IL17RA: variants seen among roughly 807,000 people sequenced by gnomAD.
The protein encoded by IL17RA is interleukin 17 receptor A, also known as interleukin-17 receptor A.
In IL17RA, 34 loss-of-function variants were observed where a neutral mutation model predicts 50.4. That is an observed-to-expected ratio of 0.67 (90% CI 0.51 to 0.90). The LOEUF (loss-of-function observed/expected upper bound fraction) is 0.90, where lower values mean the gene tolerates loss of function less well. Among genes scored for constraint, IL17RA ranks in the 40% least tolerant of loss-of-function variants. The probability of loss-of-function intolerance (pLI) is 0.00; values close to 1 mark genes in which losing one functional copy is unlikely to be tolerated. For synonymous variants in IL17RA, 585 were observed against 510.4 expected, an observed-to-expected ratio of 1.15 and a Z score of -1.97; for missense variants, 1,276 against 1,169.8, an observed-to-expected ratio of 1.09 and a Z score of -1.32.
At chr22:17,085,981 C>A (rs1307772686) in intron 1 of IL17RA, among the ~76,000 whole-genome samples, 1 of 152,168 alleles carries the variant, frequency 6.6e-6, no homozygotes, top group Non-Finnish European at 1.5e-5. Flanking sequence ...CCACTCCCAC[C>A]CCCGACTACC....
Position 17,104,718 on chromosome 22 carries a change from GC to G in IL17RA, c.847-5del. 6.2e-7 allele frequency: 1 copy of G among 1,613,878 alleles called. No homozygotes were observed. Among genetic ancestry groups the G allele is most frequent in the African/African-American group, 1.3e-5 (1 of 75,014 alleles). ...CTGGAGCCCTTTTCCTGCCCTCTCT[GC>G]CCGCAGATCCAGCCCTTCTTCAGCA... On this transcript the variant is annotated splice_region_variant and splice_polypyrimidine_tract_variant and intron_variant, in intron 8 of 12. Transcript: ENST00000319363.
chr22:17,103,618 G>C, intron 8 of IL17RA, 41 bp downstream of exon 8: 2 of 1,503,910 alleles, frequency 1.3e-6, no homozygotes, highest in Non-Finnish European at 1.8e-6. Flanking sequence ...GAGCAAAACA[G>C]GTGGCAATTA....
chr22:17,104,163 TG>T (rs2061403839), intron 8 of IL17RA, among the ~76,000 whole-genome samples: 1 of 40,748 alleles, frequency 2.5e-5, no homozygotes, highest in African/African-American at 1.1e-4. Context: ...GTGGTGTGGC[TG>T]GGAGTGGGGA....
At chr22:17,107,408 A>G (rs1388789354) in intron 11 of IL17RA, among the ~76,000 whole-genome samples, 1 of 152,220 alleles carries the variant, frequency 6.6e-6, no homozygotes, top group African/African-American at 2.4e-5. Flanking sequence ...CTGTGATCCC[A>G]ATTGATTATG....
At chr22:17,103,323 C>T (rs936611313) in intron 7 of IL17RA, among the ~76,000 whole-genome samples, 171 bp from the exon 8 acceptor site, 1 of 152,194 alleles carries the variant, frequency 6.6e-6, no homozygotes, top group African/African-American at 2.4e-5. Flanking sequence ...AAACCAGCTT[C>T]CATGCAGAAA....
intron 11 of IL17RA, among the ~76,000 whole-genome samples, chr22:17,107,437 T>C (rs1334448121): frequency 6.6e-6 from 1 of 152,200 alleles, no homozygotes; most frequent in East Asian, 1.9e-4. Context: ...GCCAGGCACG[T>C]CACATACACA....
In IL17RA at chr22:17,107,728, G is replaced by A. The variant is rs756320177; in HGVS notation, c.1047G>A (p.Gly349=). 6 of 1,612,742 alleles carry A rather than the reference G, an allele frequency of 3.7e-6. No individual in the cohort carries two copies. Among genetic ancestry groups the A allele is most frequent in the Admixed American group, 3.3e-5 (2 of 60,030 alleles). Reference sequence around the variant, plus strand: ...CAGTGTATTTCTTTTCCTTTCCAGGGCCTGGAAGTGAAAAATACAGTGATG... The same window carrying A: ...CAGTGTATTTCTTTTCCTTTCCAGGACCTGGAAGTGAAAAATACAGTGATG... ...LIVCMTWRLA[G]PGSEKYSDDT... is the part of the protein sequence containing the mutation. Residue 349 remains glycine (G), a splice_region_variant and synonymous_variant, in exon 12 of 13, where the codon GGG becomes GGA. Coordinates refer to ENST00000319363, the MANE Select transcript of IL17RA (RefSeq NM_014339.7).
chr22:17,108,429 A>G lies in IL17RA; in HGVS notation c.1210A>G (p.Thr404Ala). The G allele has an allele frequency of 1.2e-6, 2 of 1,613,648 alleles. No individual in the cohort carries two copies. The highest frequency in any genetic ancestry group is 2.2e-5 in the East Asian group (1 of 44,856). The part of the protein sequence containing the change: ...VVLKFAQFLL[T>A]ACGTEVALDL... ...CCTGAAATTCGCCCAGTTCCTGCTC[A>G]CCGCCTGCGGCACGGAAGTGGCCCT... Residue 404 changes from threonine (T) to alanine (A), a missense_variant, in exon 13 of 13, where the codon ACC becomes GCC. By Grantham distance (58) the Thr-to-Ala change is moderately conservative. Coordinates refer to ENST00000319363, the MANE Select transcript of IL17RA (RefSeq NM_014339.7).
chr22:17,109,713 G>A lies in IL17RA; in HGVS notation c.2494G>A (p.Asp832Asn). The A allele has an allele frequency of 6.3e-7, 1 of 1,586,462 alleles. No homozygotes were observed. The highest frequency in any genetic ancestry group is 8.6e-7 in the Non-Finnish European group (1 of 1,167,258). Residue 832 changes from aspartate (D) to asparagine (N), a missense_variant, in exon 13 of 13, where the codon GAC becomes AAC. Asp to Asn is a conservative substitution (Grantham distance 23). Coordinates refer to ENST00000319363, the MANE Select transcript of IL17RA (RefSeq NM_014339.7). ...GCCGGCCCTGCCACTCTCTCCCGAG[G>A]ACCTGGAGAGCCTGAGGAGCCTCCA... ...GKPALPLSPE[D>N]LESLRSLQRQ... is the part of the protein sequence containing the mutation.
At chr22:17,099,039 A>G in intron 4 of IL17RA, 152 bp downstream of exon 4, 2 of 729,176 alleles carry the variant, frequency 2.7e-6, no homozygotes, top group Non-Finnish European at 4.9e-6. Context: ...AGATGGGCAG[A>G]AGTCAAAAGA....
At position 17,108,963 on chromosome 22, in the gene IL17RA, C is replaced by G. The variant is rs1189893883; in HGVS notation, c.1744C>G (p.Pro582Ala). The G allele has an allele frequency of 1.2e-6, 2 of 1,606,812 alleles. No homozygotes were observed. The highest frequency in any genetic ancestry group is 4.5e-5 in the East Asian group (2 of 44,690). The part of the protein sequence containing the change: ...DRFRDWQVRC[P>A]DWFECENLYS... ...GTTCCGGGACTGGCAGGTCCGCTGT[C>G]CCGACTGGTTCGAATGTGAGAACCT... The change falls in exon 13 of 13, where the codon CCC becomes GCC. Residue 582 changes from proline (P) to alanine (A), a missense_variant. Coordinates refer to ENST00000319363, the MANE Select transcript of IL17RA (RefSeq NM_014339.7).
chr22:17,107,826 G>A, intron 12 of IL17RA, 58 bp downstream of exon 12: 1 of 1,499,346 alleles, frequency 6.7e-7, no homozygotes, highest in South Asian at 1.1e-5. Context: ...GGGTTCTCCT[G>A]GGATAAGTGC....
In IL17RA at chr22:17,108,957, C is replaced by A. The variant is rs764980726; in HGVS notation, c.1738C>A (p.Arg580Ser). 2 of 1,607,578 alleles carry A rather than the reference C, an allele frequency of 1.2e-6. No homozygotes were observed. The highest frequency in any genetic ancestry group is 1.7e-6 in the Non-Finnish European group (2 of 1,178,834). Residue 580 changes from arginine to serine, a missense_variant, in exon 13 of 13, where the codon CGC becomes AGC. By Grantham distance (110) the Arg-to-Ser change is moderately radical. Transcript: ENST00000319363. ...GGACAGGTTCCGGGACTGGCAGGTC[C>A]GCTGTCCCGACTGGTTCGAATGTGA... is the stretch of plus-strand genomic sequence containing the variant. ...ALDRFRDWQV[R>S]CPDWFECENL...
At chr22:17,089,852 C>A (rs998522387) in intron 1 of IL17RA, among the ~76,000 whole-genome samples, 2 of 151,400 alleles carry the variant, frequency 1.3e-5, no homozygotes, top group Admixed American at 6.6e-5. Flanking sequence ...CAGAGTGAGA[C>A]CCTGTCTCAA....
chr22:17,107,671 T>C, intron 11 of IL17RA, 56 bp from the exon 12 acceptor site: 3 of 1,457,250 alleles, frequency 2.1e-6, no homozygotes, highest in Non-Finnish European at 2.9e-6. Flanking sequence ...CCCTGTGAGC[T>C]GGTTTCTATT....
At chr22:17,097,541 A>G (rs1033629241) in intron 2 of IL17RA, 6 of 577,674 alleles carry the variant, frequency 1.0e-5, no homozygotes, top group Non-Finnish European at 1.9e-5. Flanking sequence ...CCCAATCACA[A>G]CTTCTTCTCA....
chr22:17,097,937 A>G lies in IL17RA; in HGVS notation c.304A>G (p.Thr102Ala). ...GGCTCACATCGAATGGACACTGCAG[A>G]CAGACGGTGAGTGGGCATGCCAGCA... ...PVAHIEWTLQTDASILYLEGA... is the reference protein window; with the variant it reads ...PVAHIEWTLQADASILYLEGA... Residue 102 changes from threonine (T) to alanine (A), a missense_variant, in exon 3 of 13, where the codon ACA becomes GCA. Physicochemically the swap from Thr to Ala is moderately conservative, Grantham distance 58. Transcript: ENST00000319363. 6.2e-7 allele frequency: 1 copy of G among 1,614,062 alleles called. No individual in the cohort carries two copies. The highest frequency in any genetic ancestry group is 8.5e-7 in the Non-Finnish European group (1 of 1,180,046).
In IL17RA at chr22:17,109,183, A is replaced by G; in HGVS notation, c.1964A>G (p.Gln655Arg). ...AAVAKLEPHL[Q>R]PRGQPAPQPL... is the part of the protein sequence containing the mutation. Reference sequence around the variant, plus strand: ...GTGGCAAAGCTGGAACCTCACCTGCAGCCCCGGGGTCAGCCAGCGCCGCAG... The same window carrying G: ...GTGGCAAAGCTGGAACCTCACCTGCGGCCCCGGGGTCAGCCAGCGCCGCAG... The change falls in exon 13 of 13, where the codon CAG becomes CGG. Residue 655 changes from glutamine to arginine, a missense_variant. Transcript: ENST00000319363. The G allele has an allele frequency of 6.6e-7, 1 of 1,522,676 alleles. No homozygotes were observed. The highest frequency in any genetic ancestry group is 2.0e-5 in the Admixed American group (1 of 50,192). 94.3% of individuals were successfully genotyped at this position (1,522,676 alleles called of 1,614,324 possible).
rs2061450821 is a variant in IL17RA at position 17,113,004 on chromosome 22, T to TTG, written c.*3185_*3186insGT. The TTG allele has an allele frequency of 6.6e-6, 1 of 151,688 alleles. No homozygotes were observed. The highest frequency in any genetic ancestry group is 2.1e-4 in the South Asian group (1 of 4,804). The allele number at this position is 151,688 out of a possible 1,614,324, so 9.4% of individuals were successfully genotyped here. ...CTTGATCCTAGTTTTTTTTTTGTTTTTTTTTTTTTTAAGGAATAATTACTT... is the reference window on the plus strand; with the variant it reads ...CTTGATCCTAGTTTTTTTTTTGTTTTTGTTTTTTTTTTAAGGAATAATTACTT... On this transcript the variant is annotated 3_prime_UTR_variant, in exon 13 of 13. Coordinates refer to ENST00000319363, the MANE Select transcript of IL17RA (RefSeq NM_014339.7).
Sources: gnomAD v4.1 joint callset for allele counts (sites outside exome capture counted in the v4.1 genomes callset) on GRCh38, gnomAD v4.1.1 for gene constraint, MANE v1.5 for transcripts, NCBI Gene and HGNC (gene_info 2026-07-23, HGNC 2026-07-21) for gene names.